OVCH1: variants seen among roughly 807,000 people sequenced by gnomAD.
The protein encoded by OVCH1 is ovochymase-1.
A neutral mutation model predicts 138.4 loss-of-function variants in OVCH1; 139 were observed. That is an observed-to-expected ratio of 1.00 (90% CI 0.87 to 1.16). The LOEUF (loss-of-function observed/expected upper bound fraction) is 1.16, where lower values mean the gene tolerates loss of function less well. Ranked by LOEUF, OVCH1 falls within the 50% of genes most tolerant of loss-of-function variation. The pLI, the probability that OVCH1 is intolerant of heterozygous loss-of-function variation, is 0.00. For missense variants in OVCH1, 1,367 were observed against 1,357.9 expected (o/e 1.01, Z -0.11); for synonymous variants, 453 against 467.8 (o/e 0.97, Z 0.41).
the OVCH1 span, among the ~76,000 whole-genome samples, chr12:29,407,231 G>A: frequency 1.5e-4 from 20 of 134,520 alleles, 2 homozygotes; most frequent in East Asian, 6.4e-4. Flanking sequence ...AGTAGGTTGC[G>A]AAAATTTTCT....
intron 9 of OVCH1, among the ~76,000 whole-genome samples, chr12:29,478,372 T>C (rs1942813815): frequency 6.6e-6 from 1 of 152,202 alleles, no homozygotes; most frequent in Non-Finnish European, 1.5e-5. Context: ...GGCTCATCTG[T>C]ATTTACCAAA....
At chr12:29,439,227 C>G in intron 26 of OVCH1, 1 of 1,165,212 alleles carries the variant, frequency 8.6e-7, no homozygotes, top group Non-Finnish European at 1.1e-6. Flanking sequence ...TTTAGAAGCT[C>G]AAAGTCCTTT....
chr12:29,421,548 A>T (rs1251691624), intron 3 of OVCH1, among the ~76,000 whole-genome samples: 1 of 152,186 alleles, frequency 6.6e-6, no homozygotes, highest in Non-Finnish European at 1.5e-5. Flanking sequence ...GCATCTAATC[A>T]TGAAATTATT....
chr12:29,434,574 G>A lies in OVCH1; in HGVS notation c.3265-761C>T, dbSNP rs1017862948. Among the ~76,000 whole-genome samples the A allele has an allele frequency of 2.0e-5, 3 of 151,838 alleles. No homozygotes were observed. In the East Asian group the frequency reaches 5.8e-4, roughly 29 times the overall value. On this transcript the variant is annotated intron_variant, in intron 26 of 27. Coordinates refer to ENST00000318184, the Ensembl canonical transcript of OVCH1. ...AGAAATTGAACAAAAACAACAAATA[G>A]GGAAAAAATGGACTTACCAGAAATA...
chr12:29,494,786 A>G (rs1048767609), intron 4 of OVCH1, among the ~76,000 whole-genome samples: 1 of 152,160 alleles, frequency 6.6e-6, no homozygotes, highest in Admixed American at 6.5e-5. Context: ...GATAGAGGGT[A>G]AACCTGTGGC....
intron 5 of OVCH1, among the ~76,000 whole-genome samples, chr12:29,490,887 A>G (rs1187686349): frequency 6.6e-6 from 1 of 152,216 alleles, no homozygotes; most frequent in Admixed American, 6.5e-5. Context: ...TTTATCTGCC[A>G]TACCAAATTG....
chr12:29,475,086 C>G, exon 14 of OVCH1: 3 of 1,582,420 alleles, frequency 1.9e-6, no homozygotes, highest in Non-Finnish European at 2.6e-6. Context: ...TAAATCTGGC[C>G]TTGAAGCCTT....
downstream of OVCH1, among the ~76,000 whole-genome samples, chr12:29,411,708 C>T (rs1346503050): frequency 6.6e-6 from 1 of 152,112 alleles, no homozygotes; most frequent in African/African-American, 2.4e-5. Context: ...TGTCAGTCTG[C>T]CCCTACTGGG....
At position 29,492,497 on chromosome 12, in the gene OVCH1, G is replaced by T. The variant is rs537649460; in HGVS notation, c.455-1305C>A. ...ATTAAAAAGTACTATTCTGGCCACT[G>T]GGTTAATAACAAACATTAGGAAGAC... On this transcript the variant is annotated intron_variant, in intron 4 of 27. Coordinates refer to ENST00000318184, the Ensembl canonical transcript of OVCH1. Among the ~76,000 whole-genome samples, 6 of 152,148 alleles carry T rather than the reference G, an allele frequency of 3.9e-5. No individual in the cohort carries two copies. In the East Asian group the frequency reaches 9.7e-4, roughly 25 times the overall value.
chr12:29,489,263 GA>G (rs943548874), intron 6 of OVCH1, among the ~76,000 whole-genome samples: 4 of 151,810 alleles, frequency 2.6e-5, no homozygotes, highest in African/African-American at 9.7e-5. Flanking sequence ...TGCACCAAAG[GA>G]AAAAAAATCC....
intron 3 of OVCH1, among the ~76,000 whole-genome samples, chr12:29,419,323 T>A (rs1201946968): frequency 2.0e-5 from 3 of 151,978 alleles, no homozygotes; most frequent in African/African-American, 7.3e-5. Context: ...AATCTCATTC[T>A]GTCACCCAGG....
chr12:29,435,398 G>T (rs554140986), intron 26 of OVCH1, among the ~76,000 whole-genome samples: 1 of 152,076 alleles, frequency 6.6e-6, no homozygotes, highest in Non-Finnish European at 1.5e-5. Context: ...ACGGAGTCTC[G>T]CTCTGTCGTC....
intron 25 of OVCH1, among the ~76,000 whole-genome samples, chr12:29,442,115 T>C (rs1941500686): frequency 6.6e-6 from 1 of 151,534 alleles, no homozygotes; most frequent in Non-Finnish European, 1.5e-5. Flanking sequence ...AGCCATCCCA[T>C]TACTGGGTAT....
At chr12:29,460,997 C>A (rs376031241) in intron 19 of OVCH1, among the ~76,000 whole-genome samples, 1 of 152,142 alleles carries the variant, frequency 6.6e-6, no homozygotes, top group Non-Finnish European at 1.5e-5. Context: ...CATGGAAGGA[C>A]GTCCACCTAG....
chr12:29,403,655 C>G, the OVCH1 span, among the ~76,000 whole-genome samples: 54 of 152,226 alleles, frequency 3.5e-4, no homozygotes, highest in Non-Finnish European at 7.1e-4. Context: ...ACCTTATAAA[C>G]AAATGAAATA....
At chr12:29,442,478 G>C (rs1180927787) in intron 25 of OVCH1, among the ~76,000 whole-genome samples, 2 of 106,726 alleles carry the variant, frequency 1.9e-5, no homozygotes, top group African/African-American at 3.6e-5. Flanking sequence ...GTTGTGGGGT[G>C]GGGGGAGGGG....
At chr12:29,437,109 G>T (rs1202842875) in intron 26 of OVCH1, among the ~76,000 whole-genome samples, 1 of 152,098 alleles carries the variant, frequency 6.6e-6, no homozygotes, top group Non-Finnish European at 1.5e-5. Flanking sequence ...AGTGCTCATT[G>T]GTGCGTTTAC....
intron 22 of OVCH1, among the ~76,000 whole-genome samples, chr12:29,450,097 A>C (rs1941740468): frequency 6.6e-6 from 1 of 152,210 alleles, no homozygotes; most frequent in African/African-American, 2.4e-5. Context: ...CATTCAGAAC[A>C]TAGGCATGGG....
chr12:29,478,077 T>C (rs963723420), intron 9 of OVCH1, among the ~76,000 whole-genome samples: 2 of 152,186 alleles, frequency 1.3e-5, no homozygotes, highest in African/African-American at 4.8e-5. Flanking sequence ...ATTGGCCTTA[T>C]AGAGAACTAG....
Sources: allele counts gnomAD v4.1 joint callset (sites outside exome capture counted in the v4.1 genomes callset), GRCh38; gene constraint gnomAD v4.1.1; transcripts MANE v1.5; gene names NCBI Gene and HGNC (gene_info 2026-07-23, HGNC 2026-07-21).